Variants in BCKDHB observed in about 807,000 individuals in gnomAD.
BCKDHB encodes 2-oxoisovalerate dehydrogenase subunit beta, mitochondrial.
BCKDHB carries 41 observed loss-of-function variants against 48.5 expected under a neutral mutation model. The observed-to-expected ratio is 0.85, with a 90% CI of 0.66 to 1.10. The LOEUF (loss-of-function observed/expected upper bound fraction) is 1.10, where lower values mean the gene tolerates loss of function less well. Ranked by LOEUF, BCKDHB falls within the 50% of genes least tolerant of loss-of-function variation. The probability of loss-of-function intolerance (pLI) is 0.00; values close to 1 mark genes in which losing one functional copy is unlikely to be tolerated. For synonymous variants in BCKDHB, 201 were observed against 174.8 expected (o/e 1.15, Z -1.18); for missense variants, 496 against 494.2 (o/e 1.00, Z -0.03).
the BCKDHB span, chr6:80,466,044 T>A: frequency 6.6e-6 from 1 of 152,214 alleles, no homozygotes; most frequent in East Asian, 1.9e-4. Flanking sequence ...CGTAATTATC[T>A]ACTTTTGATA....
intron 8 of BCKDHB, among the ~76,000 whole-genome samples, chr6:80,220,394 TCTTTAGTAGTG>T (rs1775380858): frequency 3.6e-5 from 5 of 139,164 alleles, no homozygotes; most frequent in Admixed American, 8.1e-5. Flanking sequence ...TATCTCTGTT[TCTTTAGTAGTG>T]TTTTTTTTTT....
chr6:80,231,333 G>C (rs577077390), intron 8 of BCKDHB, among the ~76,000 whole-genome samples: 1 of 152,028 alleles, frequency 6.6e-6, no homozygotes, highest in South Asian at 2.1e-4. Context: ...TATAAAGAAA[G>C]TATAGATATT....
chr6:80,164,268 A>G (rs920211666), intron 3 of BCKDHB, among the ~76,000 whole-genome samples: 14 of 149,922 alleles, frequency 9.3e-5, no homozygotes, highest in Non-Finnish European at 1.8e-4. Context: ...AGACCAGGCA[A>G]TCTGGACTCC....
chr6:80,406,483 G>A, the BCKDHB span, among the ~76,000 whole-genome samples: 4 of 152,186 alleles, frequency 2.6e-5, no homozygotes, highest in Admixed American at 6.5e-5. Flanking sequence ...CAGTGTAAAA[G>A]CATTCCTATT....
At chr6:80,459,976 G>C in the BCKDHB span, among the ~76,000 whole-genome samples, 1 of 152,074 alleles carries the variant, frequency 6.6e-6, no homozygotes, top group African/African-American at 2.4e-5. Context: ...AGTAAAAAAG[G>C]TTGGCAGAAG....
At chr6:80,368,868 C>A in the BCKDHB span, among the ~76,000 whole-genome samples, 1 of 151,988 alleles carries the variant, frequency 6.6e-6, no homozygotes, top group Non-Finnish European at 1.5e-5. Flanking sequence ...CAAAAATTAG[C>A]CAGGCGTGGT....
chr6:80,122,345 C>A (rs1448324766), intron 1 of BCKDHB, among the ~76,000 whole-genome samples: 1 of 152,152 alleles, frequency 6.6e-6, no homozygotes, highest in Non-Finnish European at 1.5e-5. Context: ...GCTTTGGTAT[C>A]AGGATGATGT....
chr6:80,359,455 ATGT>A, the BCKDHB span, among the ~76,000 whole-genome samples: 1 of 151,986 alleles, frequency 6.6e-6, no homozygotes, highest in African/African-American at 2.4e-5. Context: ...CATTCTTCTG[ATGT>A]TGTGTTTGTG....
Position 80,308,161 on chromosome 6 carries a change from CT to C in BCKDHB, c.1038+34941del, listed in dbSNP as rs144652900. On this transcript the variant is annotated intron_variant, in intron 9 of 9. Transcript: ENST00000320393. ...GTGGCTATTTTTTTTCATTTCCCCC[CT>C]ATGTATACAAGTGTTTATTTGTATT... Among the ~76,000 whole-genome samples, 455 of 152,056 alleles carry C rather than the reference CT, an allele frequency of 3.0e-3. 1 individual carries two copies. The highest frequency in any genetic ancestry group is 0.011 in the African/African-American group (437 of 41,484).
the BCKDHB span, among the ~76,000 whole-genome samples, chr6:80,449,122 A>G: frequency 3.9e-5 from 6 of 152,270 alleles, no homozygotes; most frequent in South Asian, 1.2e-3. Context: ...CATAATCAAT[A>G]CTTTGCATTT....
At chr6:80,223,464 T>G (rs979682839) in intron 8 of BCKDHB, among the ~76,000 whole-genome samples, 1 of 152,194 alleles carries the variant, frequency 6.6e-6, no homozygotes, top group Non-Finnish European at 1.5e-5. Context: ...ATTTCTAATT[T>G]CTTATGTCAG....
the BCKDHB span, among the ~76,000 whole-genome samples, chr6:80,399,519 C>A: frequency 6.6e-6 from 1 of 151,976 alleles, no homozygotes; most frequent in Non-Finnish European, 1.5e-5. Context: ...AAATAAACTA[C>A]CTAAGAGCAC....
intron 9 of BCKDHB, among the ~76,000 whole-genome samples, chr6:80,323,247 G>T (rs1308777755): frequency 6.6e-6 from 1 of 151,928 alleles, no homozygotes; most frequent in East Asian, 1.9e-4. Flanking sequence ...ATATTTTTGT[G>T]TTTGGTTACA....
At chr6:80,209,731 T>A (rs948944343) in intron 8 of BCKDHB, among the ~76,000 whole-genome samples, 2 of 151,964 alleles carry the variant, frequency 1.3e-5, no homozygotes, top group Admixed American at 1.3e-4. Context: ...AAAGCATAGG[T>A]GAATATGTTC....
chr6:80,190,535 A>G (rs1366321923), intron 6 of BCKDHB, among the ~76,000 whole-genome samples: 1 of 152,152 alleles, frequency 6.6e-6, no homozygotes, highest in Non-Finnish European at 1.5e-5. Context: ...ATCTAGTAGC[A>G]GTCACATTGA....
At chr6:80,234,501 G>A (rs976622219) in intron 8 of BCKDHB, among the ~76,000 whole-genome samples, 2 of 152,102 alleles carry the variant, frequency 1.3e-5, no homozygotes, top group African/African-American at 4.8e-5. Context: ...ACATGTTTTA[G>A]TTTTCAGAGC....
the BCKDHB span, among the ~76,000 whole-genome samples, chr6:80,410,927 C>T: frequency 6.6e-6 from 1 of 152,136 alleles, no homozygotes; most frequent in Non-Finnish European, 1.5e-5. Flanking sequence ...TATTACTGAC[C>T]TTCTGAAGCC....
chr6:80,313,679 CTATTT>C (rs1467793870), intron 9 of BCKDHB, among the ~76,000 whole-genome samples: 3 of 152,102 alleles, frequency 2.0e-5, no homozygotes, highest in African/African-American at 4.8e-5. Flanking sequence ...CGCGCCTGAC[CTATTT>C]TATTAATTTT....
the BCKDHB span, chr6:80,373,966 TC>T: frequency 1.8e-6 from 1 of 548,630 alleles, no homozygotes; most frequent in Non-Finnish European, 3.4e-6. Flanking sequence ...ATTCTGCCAT[TC>T]TGTGTCTTTT....
Sources: gnomAD v4.1 joint callset for allele counts (sites outside exome capture counted in the v4.1 genomes callset) on GRCh38, gnomAD v4.1.1 for gene constraint, MANE v1.5 for transcripts, NCBI Gene and HGNC (gene_info 2026-07-23, HGNC 2026-07-21) for gene names.